The following PPM1H variants were observed in gnomAD, a reference collection of about 807,000 sequenced individuals.
PPM1H encodes the protein protein phosphatase 1H.
PPM1H carries 27 observed loss-of-function variants against 54.9 expected under a neutral mutation model. The observed-to-expected ratio is 0.49, with a 90% CI of 0.36 to 0.68. The LOEUF is 0.68. Among genes scored for constraint, PPM1H ranks in the 30% least tolerant of loss-of-function variants. The pLI is 0.00. For synonymous variants in PPM1H, 305 were observed against 270.8 expected (o/e 1.13, Z -1.24); for missense variants, 596 against 667.8 (o/e 0.89, Z 1.19).
intron 9 of PPM1H, 95 bp from the exon 10 acceptor site, chr12:62,648,731 G>A: frequency 7.5e-7 from 1 of 1,336,166 alleles, no homozygotes; most frequent in Admixed American, 2.3e-5. Context: ...CACTACAGTT[G>A]TATAAATAAG....
At chr12:62,885,321 C>A (rs899468227) in intron 1 of PPM1H, among the ~76,000 whole-genome samples, 4 of 152,098 alleles carry the variant, frequency 2.6e-5, no homozygotes, top group African/African-American at 9.7e-5. Context: ...CTAGAGGACA[C>A]CTGGCTCCTT....
chr12:62,855,183 T>C (rs1869337741), intron 1 of PPM1H, among the ~76,000 whole-genome samples: 1 of 152,196 alleles, frequency 6.6e-6, no homozygotes, highest in Non-Finnish European at 1.5e-5. Flanking sequence ...ATTCTGGTTT[T>C]AGTGCTGAAA....
intron 7 of PPM1H, among the ~76,000 whole-genome samples, chr12:62,692,292 G>A (rs1389966597): frequency 2.6e-5 from 4 of 152,114 alleles, no homozygotes; most frequent in Non-Finnish European, 5.9e-5. Context: ...CTTGCCACCT[G>A]CCCATCGCAA....
Position 62,792,825 on chromosome 12 carries a change from T to C in PPM1H, c.757-4487A>G, listed in dbSNP as rs760525584. Among the ~76,000 whole-genome samples, 36 of 152,230 alleles carry C rather than the reference T, an allele frequency of 2.4e-4. 1 individual carries two copies. Among genetic ancestry groups the C allele is most frequent in the Non-Finnish European group, 2.8e-4 (19 of 68,046 alleles). On this transcript the variant is annotated intron_variant, in intron 3 of 9. Coordinates refer to ENST00000228705, the MANE Select transcript of PPM1H (RefSeq NM_020700.2). ...AAAATCTTAGTACTGAAAGGAACAT[T>C]AAAGGACCATCTGGGTGGTTCTTTT...
chr12:62,786,002 T>G (rs1418997861), intron 4 of PPM1H, among the ~76,000 whole-genome samples: 1 of 151,790 alleles, frequency 6.6e-6, no homozygotes, highest in African/African-American at 2.4e-5. Context: ...CCCTGGGAGG[T>G]AGGGTGGGCC....
At chr12:62,823,650 C>T (rs977002888) in intron 2 of PPM1H, among the ~76,000 whole-genome samples, 1 of 152,190 alleles carries the variant, frequency 6.6e-6, no homozygotes, top group Non-Finnish European at 1.5e-5. Flanking sequence ...ACAAAAACCA[C>T]ATGATTATCT....
chr12:62,767,090 G>A (rs556961353), intron 4 of PPM1H, among the ~76,000 whole-genome samples: 63 of 152,298 alleles, frequency 4.1e-4, no homozygotes, highest in African/African-American at 1.3e-3. Context: ...AGCTCCTGAC[G>A]CTCTGCAGAG....
chr12:62,758,179 G>A (rs2076486760), intron 4 of PPM1H, among the ~76,000 whole-genome samples: 1 of 152,196 alleles, frequency 6.6e-6, no homozygotes, highest in South Asian at 2.1e-4. Context: ...GAATCACTCA[G>A]TCATCCATTG....
rs184016189 is a variant in PPM1H at position 62,667,614 on chromosome 12, A to G, written c.1246-285T>C. Among the ~76,000 whole-genome samples the G allele has an allele frequency of 1.0e-3, 155 of 152,340 alleles. 1 individual carries two copies. The highest frequency in any genetic ancestry group is 3.6e-3 in the African/African-American group (149 of 41,586). ...TAATTGAAAATGTAATGTCTGAGGT[A>G]TAGTCAGAATGATGATTTATAAGTG... On this transcript the variant is annotated intron_variant, in intron 8 of 9. Transcript: ENST00000228705.
chr12:62,732,560 T>A (rs2076327889), intron 5 of PPM1H, among the ~76,000 whole-genome samples: 1 of 151,240 alleles, frequency 6.6e-6, no homozygotes, highest in Non-Finnish European at 1.5e-5. Flanking sequence ...ACCCAGAAGT[T>A]TTTTTTTGTT....
intron 1 of PPM1H, among the ~76,000 whole-genome samples, chr12:62,877,556 A>G (rs761894712): frequency 2.6e-5 from 4 of 152,176 alleles, no homozygotes; most frequent in African/African-American, 4.8e-5. Context: ...CTCTCTCTCT[A>G]TTCTCTGAAC....
chr12:62,773,617 G>A (rs952401588), intron 4 of PPM1H, among the ~76,000 whole-genome samples: 6 of 152,180 alleles, frequency 3.9e-5, no homozygotes, highest in African/African-American at 1.4e-4. Context: ...ACCATGAGCT[G>A]CTAGTTCAAC....
At position 62,911,039 on chromosome 12, in the gene PPM1H, G is replaced by T. The variant is rs568477833; in HGVS notation, c.245+23453C>A. Among the ~76,000 whole-genome samples, 7 of 152,326 alleles carry T rather than the reference G, an allele frequency of 4.6e-5. No individual in the cohort carries two copies. The East Asian group carries it at 9.6e-4, about 21-fold the overall frequency. On this transcript the variant is annotated intron_variant, in intron 1 of 9. Coordinates refer to ENST00000228705, the MANE Select transcript of PPM1H (RefSeq NM_020700.2). ...GAATGTGGGACAGAAAATCTCCAGT[G>T]GCCATGAAATCTCACCACCACTACC...
intron 8 of PPM1H, among the ~76,000 whole-genome samples, chr12:62,681,699 A>T (rs1443424076): frequency 6.6e-6 from 1 of 152,204 alleles, no homozygotes; most frequent in Non-Finnish European, 1.5e-5. Context: ...GTCCCTTAGA[A>T]AGCAGGAAAC....
rs139198994 is a variant in PPM1H at position 62,676,609 on chromosome 12, G to A, written c.1246-9280C>T. The stretch of plus-strand genomic sequence containing the variant: ...TACTCCAGTGTGGAGCAAAGTTGTC[G>A]CTGAGCCTGGTCACTGTCGTGACCC... On this transcript the variant is annotated intron_variant, in intron 8 of 9. Transcript: ENST00000228705. 4.2e-3 allele frequency among the ~76,000 whole-genome samples: 646 copies of A among 152,286 alleles called. 5 individuals are homozygous for A. The highest frequency in any genetic ancestry group is 0.015 in the African/African-American group (612 of 41,570).
At chr12:62,671,409 G>C (rs905903599) in intron 8 of PPM1H, among the ~76,000 whole-genome samples, 2 of 152,032 alleles carry the variant, frequency 1.3e-5, no homozygotes, top group Admixed American at 1.3e-4. Context: ...TATAATCTGA[G>C]CAGCTAAAAA....
At chr12:62,859,892 G>C (rs118068075) in intron 1 of PPM1H, among the ~76,000 whole-genome samples, 1 of 152,142 alleles carries the variant, frequency 6.6e-6, no homozygotes, top group African/African-American at 2.4e-5. Flanking sequence ...AGAGTTAGAA[G>C]CACAGAATTA....
chr12:62,679,730 G>GAAC (rs1447307615), intron 8 of PPM1H, among the ~76,000 whole-genome samples: 2 of 152,090 alleles, frequency 1.3e-5, no homozygotes, highest in African/African-American at 4.8e-5. Context: ...TCTTCATCTG[G>GAAC]AACAGCCTGT....
chr12:62,848,106 G>A (rs1391763294), intron 1 of PPM1H, among the ~76,000 whole-genome samples: 3 of 152,100 alleles, frequency 2.0e-5, no homozygotes, highest in Non-Finnish European at 4.4e-5. Context: ...AGGACCATGA[G>A]GTTAATTTTC....
Sources: gnomAD v4.1 joint callset for allele counts (sites outside exome capture counted in the v4.1 genomes callset) on GRCh38, gnomAD v4.1.1 for gene constraint, MANE v1.5 for transcripts, NCBI Gene and HGNC (gene_info 2026-07-23, HGNC 2026-07-21) for gene names.